The following ARID2 variants were observed in gnomAD, a reference collection of about 807,000 sequenced individuals.
ARID2 encodes AT-rich interactive domain-containing protein 2.
A neutral mutation model predicts 184.6 loss-of-function variants in ARID2; 32 were observed. That is an observed-to-expected ratio of 0.17 (90% confidence interval 0.13 to 0.23). ARID2 has a LOEUF of 0.23. Ranked by LOEUF, ARID2 falls within the 10% of genes least tolerant of loss-of-function variation. The pLI, the probability that ARID2 is intolerant of heterozygous loss-of-function variation, is 1.00. For missense variants in ARID2, 1,696 were observed against 2,197.6 expected (o/e 0.77, Z 4.56); for synonymous variants, 836 against 772.6 (o/e 1.08, Z -1.36).
At chr12:45,738,642 T>G (rs1941177887) in intron 3 of ARID2, among the ~76,000 whole-genome samples, 1 of 152,066 alleles carries the variant, frequency 6.6e-6, no homozygotes, top group Admixed American at 6.6e-5. Flanking sequence ...CATTTCAAAT[T>G]TGAGAAGTAA....
At chr12:45,785,525 C>T (rs754498005) in intron 3 of ARID2, among the ~76,000 whole-genome samples, 1 of 152,080 alleles carries the variant, frequency 6.6e-6, no homozygotes, top group Non-Finnish European at 1.5e-5. Flanking sequence ...GGCCTAAGTA[C>T]AACGCCCCTG....
intron 20 of ARID2, among the ~76,000 whole-genome samples, chr12:45,901,637 A>G (rs1294049100): frequency 6.6e-6 from 1 of 151,674 alleles, no homozygotes; most frequent in Non-Finnish European, 1.5e-5. Context: ...TAATTCCTCA[A>G]ATTTCTGAGG....
chr12:45,896,619 A>G (rs1324042619), intron 20 of ARID2, among the ~76,000 whole-genome samples: 3 of 152,270 alleles, frequency 2.0e-5, no homozygotes, highest in South Asian at 2.1e-4. Context: ...TAAAAGTCCA[A>G]TAAACCTCTT....
intron 16 of ARID2, among the ~76,000 whole-genome samples, chr12:45,879,096 T>G (rs1462052502): frequency 6.6e-6 from 1 of 152,154 alleles, no homozygotes; most frequent in Non-Finnish European, 1.5e-5. Flanking sequence ...AGTGGTAAGG[T>G]AATGGGGAGG....
At position 45,893,738 on chromosome 12, in the gene ARID2, C is replaced by G. The variant is rs774889339; in HGVS notation, c.5363+17C>G. 1.3e-6 allele frequency: 2 copies of G among 1,516,388 alleles called. No homozygotes were observed. Among genetic ancestry groups the G allele is most frequent in the East Asian group, 2.3e-5 (1 of 43,302 alleles). 93.9% of individuals were successfully genotyped at this position (1,516,388 alleles called of 1,614,324 possible). A position where few individuals can be genotyped will look rare whatever the true frequency, so the allele number is the denominator to read the frequency against. Reference sequence around the variant, plus strand: ...TGGTCGCAGGTGAGTAATATGTTTTCTGTAGCCAAAGTGAATTTAGTTTAT... The same window carrying G: ...TGGTCGCAGGTGAGTAATATGTTTTGTGTAGCCAAAGTGAATTTAGTTTAT... On this transcript the variant is annotated intron_variant, in intron 20 of 20. Transcript: ENST00000334344.
At chr12:45,881,383 C>T (rs1944096142) in intron 16 of ARID2, 2 of 161,156 alleles carry the variant, frequency 1.2e-5, no homozygotes, top group Admixed American at 1.3e-4. Context: ...TCTGTTTTCT[C>T]TTTCCACGAG....
chr12:45,904,892 G>C, intron 20 of ARID2, 42 bp from the exon 21 acceptor site: 1 of 1,603,318 alleles, frequency 6.2e-7, no homozygotes, highest in Non-Finnish European at 8.5e-7. Flanking sequence ...AGTCATCGCT[G>C]TGACCTTGGA....
intron 3 of ARID2, among the ~76,000 whole-genome samples, chr12:45,806,278 T>G: frequency 6.6e-6 from 1 of 152,098 alleles, no homozygotes; most frequent in Non-Finnish European, 1.5e-5. Context: ...GAAGCTTAAA[T>G]CTTTGATCAA....
rs1165580523 is a variant in ARID2 at position 45,907,838 on chromosome 12, CTCAATAAATTT to C, written c.*2762_*2772del. ...ATATGTGCCTAGTGCTCTGTTGGCA[CTCAATAAATTT>C]TAAGTAACAAAATTGATAATCATAT... On this transcript the variant is annotated 3_prime_UTR_variant, in exon 21 of 21. Coordinates refer to ENST00000334344, the MANE Select transcript of ARID2 (RefSeq NM_152641.4). 3 of 231,872 alleles carry C rather than the reference CTCAATAAATTT, an allele frequency of 1.3e-5. No homozygotes were observed. The highest frequency in any genetic ancestry group is 6.6e-5 in the African/African-American group (3 of 45,212). The allele number at this position is 231,872 out of a possible 1,614,324, so 14.4% of individuals were successfully genotyped here.
At chr12:45,757,720 ACC>A (rs1941595356) in intron 3 of ARID2, among the ~76,000 whole-genome samples, 1 of 152,120 alleles carries the variant, frequency 6.6e-6, no homozygotes, top group African/African-American at 2.4e-5. Flanking sequence ...AAGATTATGA[ACC>A]CTGATTAGTG....
intron 16 of ARID2, among the ~76,000 whole-genome samples, chr12:45,866,797 T>G (rs895398410): frequency 6.6e-6 from 1 of 152,222 alleles, no homozygotes; most frequent in African/African-American, 2.4e-5. Flanking sequence ...TTTATAGGAA[T>G]GGTACATTTG....
rs532023834 is a variant in ARID2 at position 45,765,969 on chromosome 12, T to C, written c.284+34655T>C. On this transcript the variant is annotated intron_variant, in intron 3 of 20. Transcript: ENST00000334344. Reference sequence around the variant, plus strand: ...TTAGTCAACAAAATTATTTTGAAATTGATCCATGTTGTTTCATATAGCAAA... The same window carrying C: ...TTAGTCAACAAAATTATTTTGAAATCGATCCATGTTGTTTCATATAGCAAA... 5.9e-5 allele frequency among the ~76,000 whole-genome samples: 9 copies of C among 152,326 alleles called. No individual in the cohort carries two copies. In the South Asian group the frequency reaches 1.9e-3, roughly 32 times the overall value.
rs1039665533 is a variant in ARID2 at position 45,893,412 on chromosome 12, C to T, written c.5148-8C>T. 1.0e-5 allele frequency: 16 copies of T among 1,605,824 alleles called. No individual in the cohort carries two copies. The highest frequency in any genetic ancestry group is 1.3e-5 in the African/African-American group (1 of 74,348). On this transcript the variant is annotated splice_region_variant and splice_polypyrimidine_tract_variant and intron_variant, in intron 18 of 20. Transcript: ENST00000334344. ...TTCTCTCTCTCTCTCTCTCTCTGATCAATTTAGGCAGCCAACTGTAGGGGG... is the reference window on the plus strand; with the variant it reads ...TTCTCTCTCTCTCTCTCTCTCTGATTAATTTAGGCAGCCAACTGTAGGGGG...
intron 6 of ARID2, among the ~76,000 whole-genome samples, chr12:45,831,545 A>G (rs1192191789): frequency 2.0e-5 from 3 of 152,146 alleles, no homozygotes; most frequent in Admixed American, 2.0e-4. Flanking sequence ...ATACATTTTT[A>G]GTTATTTTTA....
chr12:45,790,141 A>G (rs970805814), intron 3 of ARID2, among the ~76,000 whole-genome samples: 1 of 152,144 alleles, frequency 6.6e-6, no homozygotes, highest in Non-Finnish European at 1.5e-5. Flanking sequence ...TCTATTATCT[A>G]TGAACTTTAA....
chr12:45,732,817 T>A (rs1315543254), intron 3 of ARID2, among the ~76,000 whole-genome samples: 1 of 152,186 alleles, frequency 6.6e-6, no homozygotes, highest in Admixed American at 6.5e-5. Flanking sequence ...TATACATGAT[T>A]CATGAGATGT....
At chr12:45,737,261 G>T (rs867122815) in intron 3 of ARID2, among the ~76,000 whole-genome samples, 4 of 152,056 alleles carry the variant, frequency 2.6e-5, no homozygotes, top group African/African-American at 9.7e-5. Context: ...CGTTTACAGG[G>T]CTTCACTCCC....
rs1473004229 is a variant in ARID2, at chr12:45,863,846, C to CT, written c.4922+2907dup. On this transcript the variant is annotated intron_variant, in intron 16 of 20. Transcript: ENST00000334344. ...TTTTTTTCTTTTTCTTTTTCTTTCC[C>CT]TTTTTTTTTTGTTTTTTTTTTGAGA... Among the ~76,000 whole-genome samples, 173 of 87,500 alleles carry CT rather than the reference C, an allele frequency of 2.0e-3. 4 individuals carry two copies. Among genetic ancestry groups the CT allele is most frequent in the African/African-American group, 9.3e-3 (147 of 15,860 alleles). The allele number at this position is 87,500 out of a possible 152,430, so 57.4% of individuals were successfully genotyped here.
chr12:45,847,380 T>A (rs35118), intron 12 of ARID2, among the ~76,000 whole-genome samples: 151,232 of 152,160 alleles, frequency 0.99, 75,158 homozygotes, highest in East Asian at 1. Flanking sequence ...CTTCTTATTC[T>A]TTAATAATTT....
Sources: allele counts gnomAD v4.1 joint callset (sites outside exome capture counted in the v4.1 genomes callset), GRCh38; gene constraint gnomAD v4.1.1; transcripts MANE v1.5; gene names NCBI Gene and HGNC (gene_info 2026-07-23, HGNC 2026-07-21).